The following FRMPD2 variants were observed in gnomAD, a reference collection of about 807,000 sequenced individuals.
The protein encoded by FRMPD2 is FERM and PDZ domain containing 2, also known as FERM and PDZ domain-containing protein 2.
In FRMPD2, 96 loss-of-function variants were observed where a neutral mutation model predicts 140.1. That is an observed-to-expected ratio of 0.69 (90% CI 0.58 to 0.81). The LOEUF (loss-of-function observed/expected upper bound fraction) is 0.81, where lower values mean the gene tolerates loss of function less well. Among genes scored for constraint, FRMPD2 ranks in the 40% least tolerant of loss-of-function variants. The probability of loss-of-function intolerance (pLI) is 0.00; values close to 1 mark genes in which losing one functional copy is unlikely to be tolerated. For missense variants in FRMPD2, 1,240 were observed against 1,447.4 expected, an observed-to-expected ratio of 0.86 and a Z score of 2.32; for synonymous variants, 449 against 547.6, an observed-to-expected ratio of 0.82 and a Z score of 2.52.
intron 20 of FRMPD2, among the ~76,000 whole-genome samples, chr10:48,183,364 C>G (rs994194715): frequency 3.3e-5 from 5 of 152,136 alleles, no homozygotes; most frequent in Non-Finnish European, 7.4e-5. Context: ...TAGCCTACTC[C>G]CATTACTTCC....
intron 12 of FRMPD2, among the ~76,000 whole-genome samples, chr10:48,220,810 T>G (rs757199118): frequency 6.6e-6 from 1 of 152,094 alleles, no homozygotes; most frequent in Non-Finnish European, 1.5e-5. Flanking sequence ...AAAGAAGATA[T>G]ACAAATGGTC....
rs200074498 is a variant in FRMPD2 at position 48,232,159 on chromosome 10, G to T, written c.1124C>A (p.Ala375Asp). 6.2e-7 allele frequency: 1 copy of T among 1,614,166 alleles called. No homozygotes were observed. The highest frequency in any genetic ancestry group is 1.3e-5 in the African/African-American group (1 of 75,042). Residue 375 changes from alanine (A) to aspartate (D), a missense_variant, in exon 10 of 29, where the codon GCC becomes GAC. By Grantham distance (126) the Ala-to-Asp change is moderately radical. Coordinates refer to ENST00000374201, the MANE Select transcript of FRMPD2 (RefSeq NM_001018071.4). ...AAAGTAGGTGAGTTCCTCGAGGTTG[G>T]CAAAGGATGTCACGGCATTGAAGAC... Reference protein sequence around the residue: ...GAVFNAVTSFANLEELTYFGL... With the variant: ...GAVFNAVTSFDNLEELTYFGL...
chr10:48,272,362 T>G (rs1209147956), intron 1 of FRMPD2, among the ~76,000 whole-genome samples: 2 of 152,214 alleles, frequency 1.3e-5, no homozygotes, highest in African/African-American at 4.8e-5. Context: ...AGCTGGTCAT[T>G]AAACACAGCC....
rs782185636 is a variant in FRMPD2 at position 48,172,995 on chromosome 10, C to T, written c.3174G>A (p.Leu1058=). 5.7e-6 allele frequency: 7 copies of T among 1,228,058 alleles called. 1 individual carries two copies. The highest frequency in any genetic ancestry group is 1.8e-5 in the Admixed American group (1 of 54,990). 76.1% of individuals were successfully genotyped at this position (1,228,058 alleles called of 1,614,324 possible). A position where few individuals can be genotyped will look rare whatever the true frequency, so the allele number is the denominator to read the frequency against. ...AAGGCCTGCCAGGCAAGGCTGTTAC[C>T]AAGGAAACAGCCGTGCGTTCATCTC... ...SMGDERTAVS[L]VTALPGRPSS... Residue 1058 remains leucine, a synonymous_variant, in exon 25 of 29, where the codon TTG becomes TTA. Transcript: ENST00000374201.
At chr10:48,263,944 C>T (rs1840638651) in intron 1 of FRMPD2, among the ~76,000 whole-genome samples, 1 of 151,990 alleles carries the variant, frequency 6.6e-6, no homozygotes, top group Non-Finnish European at 1.5e-5. Flanking sequence ...TAATCATACA[C>T]CATGACCAAG....
rs1444565194 is a variant in FRMPD2 at position 48,212,104 on chromosome 10, C to A, written c.1461G>T (p.Val487=). The A allele has an allele frequency of 1.2e-6, 2 of 1,613,916 alleles. No individual in the cohort carries two copies. The highest frequency in any genetic ancestry group is 1.7e-6 in the Non-Finnish European group (2 of 1,179,882). Residue 487 remains valine (V), a synonymous_variant, in exon 13 of 29, where the codon GTG becomes GTT. Coordinates refer to ENST00000374201, the MANE Select transcript of FRMPD2 (RefSeq NM_001018071.4). The part of the protein sequence containing the change: ...AEFGNYPKEQ[V]ESKPYFHVED... Reference sequence around the variant, plus strand: ...CAACGTGAAAGTATGGCTTACTCTCCACCTGCTGGAAGTAAGATGTAGAAG... The same window carrying A: ...CAACGTGAAAGTATGGCTTACTCTCAACCTGCTGGAAGTAAGATGTAGAAG...
At chr10:48,241,101 T>C (rs1304563003) in intron 5 of FRMPD2, among the ~76,000 whole-genome samples, 1 of 152,036 alleles carries the variant, frequency 6.6e-6, no homozygotes, top group South Asian at 2.1e-4. Context: ...ATAAATATAG[T>C]CCATTTCCCC....
At chr10:48,185,691 A>C in intron 17 of FRMPD2, 46 bp from the exon 18 acceptor site, 1 of 1,431,482 alleles carries the variant, frequency 7.0e-7, no homozygotes, top group Non-Finnish European at 9.9e-7. Context: ...CCCCCAAATT[A>C]TTTGGGAGCT....
chr10:48,169,195 C>T (rs1320594262), intron 26 of FRMPD2, among the ~76,000 whole-genome samples: 1 of 151,574 alleles, frequency 6.6e-6, no homozygotes, highest in African/African-American at 2.4e-5. Context: ...ATCTCTAAAG[C>T]CTGACCCTTG....
chr10:48,270,061 A>G (rs1368712902), intron 1 of FRMPD2, among the ~76,000 whole-genome samples: 1 of 152,246 alleles, frequency 6.6e-6, no homozygotes, highest in Non-Finnish European at 1.5e-5. Context: ...GCAAAGAATC[A>G]GAGAGAAAAA....
chr10:48,181,098 G>T (rs1426810949), intron 20 of FRMPD2, 90 bp from the exon 21 acceptor site: 1 of 728,972 alleles, frequency 1.4e-6, no homozygotes, highest in Non-Finnish European at 2.5e-6. Flanking sequence ...TTCCTCCAGT[G>T]ACAGAGTGAT....
intron 1 of FRMPD2, among the ~76,000 whole-genome samples, chr10:48,254,415 C>T (rs1564441345): frequency 6.6e-6 from 1 of 152,220 alleles, no homozygotes; most frequent in East Asian, 1.9e-4. Flanking sequence ...CCCACCTCTC[C>T]AACTCCACTT....
intron 19 of FRMPD2, 21 bp downstream of exon 19, chr10:48,184,752 CT>C: frequency 1.9e-6 from 3 of 1,598,490 alleles, no homozygotes; most frequent in Non-Finnish European, 2.6e-6. Context: ...AACAGCATCT[CT>C]AGTAATTTAA....
intron 16 of FRMPD2, among the ~76,000 whole-genome samples, chr10:48,191,738 T>C (rs1005110732): frequency 6.6e-6 from 1 of 152,244 alleles, no homozygotes; most frequent in African/African-American, 2.4e-5. Flanking sequence ...GAATCTGTGC[T>C]ATTTCTATAA....
chr10:48,266,754 C>T (rs1327204822), intron 1 of FRMPD2, among the ~76,000 whole-genome samples: 1 of 152,244 alleles, frequency 6.6e-6, no homozygotes, highest in Non-Finnish European at 1.5e-5. Context: ...TGCGTCACAC[C>T]CTAGACTTCC....
chr10:48,214,854 G>A (rs1171739953), intron 12 of FRMPD2, among the ~76,000 whole-genome samples: 1 of 152,202 alleles, frequency 6.6e-6, no homozygotes, highest in Non-Finnish European at 1.5e-5. Flanking sequence ...AGACTGGGAA[G>A]GCATGGCAGG....
intron 16 of FRMPD2, 94 bp downstream of exon 16, chr10:48,192,590 C>CAA (rs200504667): frequency 3.0e-5 from 32 of 1,062,086 alleles, no homozygotes; most frequent in African/African-American, 2.8e-4. Flanking sequence ...AACTCAGTCT[C>CAA]AAAAAAAAAA....
chr10:48,250,795 CTTTT>C (rs34856884), intron 2 of FRMPD2, among the ~76,000 whole-genome samples: 13 of 117,104 alleles, frequency 1.1e-4, no homozygotes, highest in African/African-American at 4.1e-4. Flanking sequence ...GTAGGTCTGC[CTTTT>C]TTTTTTTTTT....
At chr10:48,246,989 C>T (rs764912298) in intron 3 of FRMPD2, among the ~76,000 whole-genome samples, 26 of 152,190 alleles carry the variant, frequency 1.7e-4, no homozygotes, top group Non-Finnish European at 2.6e-4. Context: ...ATGCCTAGAG[C>T]GCTAAACCAA....
Sources: allele counts gnomAD v4.1 joint callset (sites outside exome capture counted in the v4.1 genomes callset), GRCh38; gene constraint gnomAD v4.1.1; transcripts MANE v1.5; gene names NCBI Gene and HGNC (gene_info 2026-07-23, HGNC 2026-07-21).